Variants in SGSM1 observed in about 807,000 individuals in gnomAD.
The protein encoded by SGSM1 is RUN and TBC1 domain containing 2.
In SGSM1, 73 loss-of-function variants were observed where a neutral mutation model predicts 133.8. The observed-to-expected ratio is 0.55, with a 90% CI of 0.45 to 0.66. SGSM1 has a LOEUF of 0.66. Ranked by LOEUF, SGSM1 falls within the 30% of genes least tolerant of loss-of-function variation. SGSM1 has a pLI of 0.00. For missense variants in SGSM1, 1,213 were observed against 1,448.1 expected, an observed-to-expected ratio of 0.84 and a Z score of 2.64; for synonymous variants, 563 against 573.0, an observed-to-expected ratio of 0.98 and a Z score of 0.25.
chr22:24,884,486 G>C (rs1182605346), intron 15 of SGSM1, among the ~76,000 whole-genome samples: 1 of 152,236 alleles, frequency 6.6e-6, no homozygotes, highest in Admixed American at 6.5e-5. Context: ...GATGGGCACG[G>C]TGGCTCACGC....
intron 22 of SGSM1, among the ~76,000 whole-genome samples, chr22:24,915,252 A>G (rs1377280383): frequency 6.6e-6 from 1 of 152,126 alleles, no homozygotes; most frequent in Non-Finnish European, 1.5e-5. Context: ...AAATAAATAA[A>G]TAAACAAACA....
At chr22:24,882,087 G>GT (rs1446897441) in intron 14 of SGSM1, among the ~76,000 whole-genome samples, 1 of 151,774 alleles carries the variant, frequency 6.6e-6, no homozygotes, top group Non-Finnish European at 1.5e-5. Context: ...TTTTATTTTA[G>GT]TTTTTTGAGA....
intron 16 of SGSM1, among the ~76,000 whole-genome samples, chr22:24,891,774 G>A (rs987858426): frequency 7.9e-5 from 12 of 152,190 alleles, no homozygotes; most frequent in Non-Finnish European, 1.3e-4. Flanking sequence ...AGGGGTGAAG[G>A]CAGTCAGAGA....
intron 12 of SGSM1, among the ~76,000 whole-genome samples, chr22:24,872,463 GAC>G (rs1931813437): frequency 6.6e-6 from 1 of 151,852 alleles, no homozygotes; most frequent in Non-Finnish European, 1.5e-5. Context: ...GGAAGTGTAA[GAC>G]ACACACTGGA....
chr22:24,889,407 A>G (rs540007997), intron 16 of SGSM1, among the ~76,000 whole-genome samples: 1 of 141,076 alleles, frequency 7.1e-6, no homozygotes, highest in South Asian at 2.3e-4. Context: ...TATTAAATGT[A>G]TTTCTTTTTT....
At chr22:24,907,128 C>T (rs916616516) in intron 21 of SGSM1, among the ~76,000 whole-genome samples, 33 of 151,234 alleles carry the variant, frequency 2.2e-4, no homozygotes, top group Non-Finnish European at 3.8e-4. Context: ...AGCATCGTGG[C>T]GGGTGCCTGT....
chr22:24,922,865 C>T (rs1041713282), intron 24 of SGSM1, among the ~76,000 whole-genome samples: 23 of 152,338 alleles, frequency 1.5e-4, no homozygotes, highest in African/African-American at 2.6e-4. Flanking sequence ...CAGTGGCTTA[C>T]GCCTATAATC....
rs148025083 is a variant in SGSM1, at chr22:24,871,132, C to T, written c.1291+2277C>T. On this transcript the variant is annotated intron_variant, in intron 12 of 24. Coordinates refer to ENST00000400358, the MANE Select transcript of SGSM1 (RefSeq NM_001098497.3). ...TGCATTGTGGGATGTTGAGCACCCA[C>T]TAGATGCCAAGTAGCGAACTTACTT... 3.1e-3 allele frequency among the ~76,000 whole-genome samples: 476 copies of T among 152,302 alleles called. 1 individual carries two copies. The highest frequency in any genetic ancestry group is 0.01 in the African/African-American group (432 of 41,574).
chr22:24,874,856 C>T (rs562330742), intron 12 of SGSM1, among the ~76,000 whole-genome samples: 2 of 152,250 alleles, frequency 1.3e-5, no homozygotes, highest in African/African-American at 4.8e-5. Flanking sequence ...CTAAACTGGT[C>T]AGTGCATCCC....
chr22:24,842,927 T>C (rs1278649063), intron 2 of SGSM1, among the ~76,000 whole-genome samples: 2 of 152,120 alleles, frequency 1.3e-5, no homozygotes, highest in East Asian at 3.9e-4. Flanking sequence ...ATAAACTTTT[T>C]AGCCAAGGAG....
intron 8 of SGSM1, among the ~76,000 whole-genome samples, chr22:24,858,798 A>G (rs1223670493): frequency 6.6e-6 from 1 of 152,208 alleles, no homozygotes; most frequent in East Asian, 1.9e-4. Context: ...GTTGAATCGC[A>G]GTCAAATCTT....
rs1462536467 is a variant in SGSM1, at chr22:24,898,578, C to G, written c.2610+19C>G. 1.9e-6 allele frequency: 3 copies of G among 1,567,838 alleles called. No individual in the cohort carries two copies. The highest frequency in any genetic ancestry group is 3.5e-4 in the Middle Eastern group (2 of 5,772). ...CTACTCTGTAAGTCACCAGGACCCT[C>G]CGTTCCATTTCCTTCTTTCCAGCTG... On this transcript the variant is annotated intron_variant, in intron 19 of 24. Transcript: ENST00000400358.
Position 24,919,923 on chromosome 22 carries a change from G to C in SGSM1, c.3123G>C (p.Leu1041=). The C allele has an allele frequency of 6.2e-7, 1 of 1,613,944 alleles. No homozygotes were observed. Among genetic ancestry groups the C allele is most frequent in the Non-Finnish European group, 8.5e-7 (1 of 1,179,868 alleles). The change falls in exon 24 of 25, where the codon CTG becomes CTC. Residue 1041 remains leucine (L), a synonymous_variant. Transcript: ENST00000400358. ...ACGTCCTGTTCATTGCGCTGGCTCT[G>C]GTGGAAGTCTACCGTGACATCATTT... ...AHYVLFIALA[L]VEVYRDIILE...
chr22:24,902,313 G>A (rs113741026), intron 20 of SGSM1, among the ~76,000 whole-genome samples: 20 of 152,308 alleles, frequency 1.3e-4, no homozygotes, highest in African/African-American at 4.3e-4. Flanking sequence ...GTCTCTGGCT[G>A]TAGAATCTGT....
rs1386553067 is a variant in SGSM1, at chr22:24,844,959, C to T, written c.126C>T (p.Ile42=). The T allele has an allele frequency of 6.2e-7, 1 of 1,613,826 alleles. No homozygotes were observed. The highest frequency in any genetic ancestry group is 8.5e-7 in the Non-Finnish European group (1 of 1,179,866). ...RKFVHEDSSH[I]ISFCAAVEAC... ...TTGTCCACGAAGACAGCAGCCACAT[C>T]ATCTCCTTCTGTGGTGAGTCTGTGA... Residue 42 remains isoleucine, a synonymous_variant, in exon 3 of 25, where the codon ATC becomes ATT. Coordinates refer to ENST00000400358, the MANE Select transcript of SGSM1 (RefSeq NM_001098497.3).
At position 24,923,936 on chromosome 22, in the gene SGSM1, A is replaced by T. The variant is rs1467708807; in HGVS notation, c.3194-250A>T. On this transcript the variant is annotated intron_variant, in intron 24 of 24. Coordinates refer to ENST00000400358, the MANE Select transcript of SGSM1 (RefSeq NM_001098497.3). ...CATGCCCGGCCGACCTCACCTTTTT[A>T]TGGCACATCCTGTGAACCAGCATTA... is the stretch of plus-strand genomic sequence containing the variant. Among the ~76,000 whole-genome samples, 4 of 151,924 alleles carry T rather than the reference A, an allele frequency of 2.6e-5. No individual in the cohort carries two copies. In the East Asian group the frequency reaches 7.7e-4, roughly 29 times the overall value.
chr22:24,915,709 A>G (rs928652364), intron 22 of SGSM1, among the ~76,000 whole-genome samples: 10 of 152,198 alleles, frequency 6.6e-5, no homozygotes, highest in African/African-American at 2.4e-4. Context: ...CAATCCAATT[A>G]TACACTTTTA....
intron 5 of SGSM1, among the ~76,000 whole-genome samples, chr22:24,853,615 T>TC (rs1259509419): frequency 8.1e-6 from 1 of 123,926 alleles, no homozygotes; most frequent in African/African-American, 3.6e-5. Context: ...AGGCACTTCT[T>TC]TTTTTTTTTG....
rs1384346562 is a variant in SGSM1, at chr22:24,868,838, G to C, written c.1274G>C (p.Gly425Ala). The C allele has an allele frequency of 6.2e-7, 1 of 1,613,848 alleles. No individual in the cohort carries two copies. Among genetic ancestry groups the C allele is most frequent in the Admixed American group, 1.7e-5 (1 of 60,020 alleles). Residue 425 changes from glycine (G) to alanine (A), a missense_variant, in exon 12 of 25, where the codon GGC becomes GCC. Transcript: ENST00000400358. ...TATGTGTTCAGGATCATCTACCCTG[G>C]CATGCAGTCGGAATTCGGTGAGCTG... ...TDYVFRIIYP[G>A]MQSEFVPQDL... is the part of the protein sequence containing the mutation.
Sources: gnomAD v4.1 joint callset for allele counts (sites outside exome capture counted in the v4.1 genomes callset) on GRCh38, gnomAD v4.1.1 for gene constraint, MANE v1.5 for transcripts, NCBI Gene and HGNC (gene_info 2026-07-23, HGNC 2026-07-21) for gene names.